Variants in NUP214 observed in about 807,000 individuals in gnomAD.
NUP214 encodes nucleoporin 214.
A neutral mutation model predicts 196.2 loss-of-function variants in NUP214; 79 were observed. The observed-to-expected ratio is 0.40, with a 90% CI of 0.34 to 0.49. The LOEUF is 0.49. Ranked by LOEUF, NUP214 falls within the 20% of genes least tolerant of loss-of-function variation. The pLI is 0.58. For missense variants in NUP214, 2,468 were observed against 2,539.0 expected, an observed-to-expected ratio of 0.97 and a Z score of 0.60; for synonymous variants, 1,020 against 990.5, an observed-to-expected ratio of 1.03 and a Z score of -0.56.
rs754797981 is a variant in NUP214 at position 131,144,768 on chromosome 9, A to G, written c.1769+14A>G. 4.5e-6 allele frequency: 7 copies of G among 1,544,786 alleles called. No individual in the cohort carries two copies. The South Asian group carries it at 8.3e-5, about 18-fold the overall frequency. On this transcript the variant is annotated intron_variant, in intron 12 of 35. Coordinates refer to ENST00000359428, the MANE Select transcript of NUP214 (RefSeq NM_005085.4). ...CCTTAGTGAAAAGTAAGTCACTTCT[A>G]AAGTTTGATTCTTCTGTGAGTTGGG...
rs1261008776 is a variant in NUP214 at position 131,198,610 on chromosome 9, T to G, written c.5116T>G (p.Ser1706Ala). 1.2e-6 allele frequency: 2 copies of G among 1,614,206 alleles called. No individual in the cohort carries two copies. The highest frequency in any genetic ancestry group is 2.2e-5 in the South Asian group (2 of 91,086). ...AGCTGCCACACCACAGGTCAGCAGC[T>G]CAGGGTTTAGCAGCCCAGCTTTTGG... ...TAAATPQVSS[S>A]GFSSPAFGTT... Residue 1706 changes from serine (S) to alanine (A), a missense_variant, in exon 29 of 36, where the codon TCA becomes GCA. Around this residue, in one of 5 missense-constraint regions of NUP214, gnomAD observed 1,801 missense variants for 1,779.4 expected, o/e 1.01. Transcript: ENST00000359428.
chr9:131,229,699 C>A (rs1834820808), intron 33 of NUP214: 1 of 518,582 alleles, frequency 1.9e-6, no homozygotes. Flanking sequence ...CCCTGAAGGG[C>A]AGGCTGTTGC....
intron 5 of NUP214, 128 bp downstream of exon 5, chr9:131,130,964 G>C (rs972166671): frequency 1.0e-5 from 7 of 693,204 alleles, no homozygotes; most frequent in Non-Finnish European, 1.5e-5. Context: ...ATCCATCAGT[G>C]AATGAAGAGT....
chr9:131,175,681 C>A, intron 23 of NUP214, 60 bp downstream of exon 23: 1 of 1,560,710 alleles, frequency 6.4e-7, no homozygotes, highest in Non-Finnish European at 8.7e-7. Context: ...GAGTCACAGG[C>A]CAGGACAGCA....
At chr9:131,223,842 C>T (rs1340543293) in intron 32 of NUP214, among the ~76,000 whole-genome samples, 1 of 148,020 alleles carries the variant, frequency 6.8e-6, no homozygotes, top group African/African-American at 2.5e-5. Context: ...TCACGCCATT[C>T]TCCTGCGTCA....
chr9:131,183,953 G>A (rs1008588840), intron 24 of NUP214, among the ~76,000 whole-genome samples: 7 of 144,574 alleles, frequency 4.8e-5, no homozygotes, highest in South Asian at 2.2e-4. Context: ...AAATGTAATC[G>A]TTTACATTTT....
chr9:131,142,965 G>T (rs754185544), intron 11 of NUP214, among the ~76,000 whole-genome samples: 12 of 152,024 alleles, frequency 7.9e-5, no homozygotes, highest in Non-Finnish European at 1.8e-4. Flanking sequence ...TTAATTTAAA[G>T]ATTAATATTT....
At position 131,146,226 on chromosome 9, in the gene NUP214, C is replaced by T; in HGVS notation, c.1867C>T (p.Pro623Ser). The T allele has an allele frequency of 6.2e-7, 1 of 1,614,154 alleles. No homozygotes were observed. Among genetic ancestry groups the T allele is most frequent in the South Asian group, 1.1e-5 (1 of 91,076 alleles). The change falls in exon 13 of 36, where the codon CCA becomes TCA. Residue 623 changes from proline to serine, a missense_variant. Physicochemically the swap from Pro to Ser is moderately conservative, Grantham distance 74. Coordinates refer to ENST00000359428, the MANE Select transcript of NUP214 (RefSeq NM_005085.4). The surrounding 1 kb of genome is among the most constrained non-coding windows in gnomAD (Gnocchi z 4.6). The part of the protein sequence containing the change: ...SSASKPAASG[P>S]LSHPTPLSAP... Reference sequence around the variant, plus strand: ...TGCCTCCAAGCCAGCTGCTTCTGGACCACTCAGCCACCCCACACCTCTCTC... The same window carrying T: ...TGCCTCCAAGCCAGCTGCTTCTGGATCACTCAGCCACCCCACACCTCTCTC...
At position 131,130,798 on chromosome 9, in the gene NUP214, G is replaced by A; in HGVS notation, c.625G>A (p.Val209Met). Residue 209 changes from valine to methionine, a missense_variant, in exon 5 of 36, where the codon GTG becomes ATG. This residue lies in a region of NUP214 where 392 missense variants were observed against 417.9 expected (regional missense o/e 0.94). Transcript: ENST00000359428. ...CWSPKGKQLA[V>M]GKQNGTVVQY... ...GAGCCCCAAAGGAAAGCAGCTGGCA[G>A]TGGGAAAACAGAATGGAACTGTGGT... The A allele has an allele frequency of 6.2e-7, 1 of 1,614,206 alleles. No individual in the cohort carries two copies. Among genetic ancestry groups the A allele is most frequent in the Non-Finnish European group, 8.5e-7 (1 of 1,180,014 alleles).
Position 131,128,585 on chromosome 9 carries a change from C to G in NUP214, c.393+102C>G. 4.0e-6 allele frequency: 4 copies of G among 1,002,164 alleles called. No individual in the cohort carries two copies. The South Asian group carries it at 9.1e-5, about 23-fold the overall frequency. The allele number at this position is 1,002,164 out of a possible 1,614,324, so 62.1% of individuals were successfully genotyped here. A position where few individuals can be genotyped will look rare whatever the true frequency, so the allele number is the denominator to read the frequency against. ...CTTCATAGGTTAACCCTTGAAGTTT[C>G]TCTCTAGATTAAAATATGGGTTAAA... On this transcript the variant is annotated intron_variant, in intron 3 of 35. Coordinates refer to ENST00000359428, the MANE Select transcript of NUP214 (RefSeq NM_005085.4).
chr9:131,166,230 C>T lies in NUP214; in HGVS notation c.2893+2086C>T, dbSNP rs114576750. On this transcript the variant is annotated intron_variant, in intron 21 of 35. Transcript: ENST00000359428. ...TTGAACACATGCCTTATAAAGACAG[C>T]ACAATATTTCCTTGTATTAGAAGGC... Among the ~76,000 whole-genome samples the T allele has an allele frequency of 8.9e-3, 1,362 of 152,246 alleles. 21 individuals are homozygous for T. The highest frequency in any genetic ancestry group is 0.031 in the African/African-American group (1,284 of 41,548).
chr9:131,147,196 CAGGCTGGTCTCA>C (rs974824018), intron 13 of NUP214, among the ~76,000 whole-genome samples: 1 of 152,060 alleles, frequency 6.6e-6, no homozygotes, highest in African/African-American at 2.4e-5. Flanking sequence ...CCATGTTGCT[CAGGCTGGTCTCA>C]AACTCCTGGG....
chr9:131,137,476 G>A (rs1199117855), intron 9 of NUP214, among the ~76,000 whole-genome samples: 1 of 151,542 alleles, frequency 6.6e-6, no homozygotes, highest in East Asian at 1.9e-4. Context: ...AAGAGTTACA[G>A]CGTTGTTTTA....
intron 24 of NUP214, among the ~76,000 whole-genome samples, chr9:131,184,834 C>T (rs1235025946): frequency 6.6e-6 from 1 of 152,174 alleles, no homozygotes; most frequent in Non-Finnish European, 1.5e-5. Context: ...ATATTTCCAT[C>T]GACAGATGTC....
intron 9 of NUP214, among the ~76,000 whole-genome samples, chr9:131,137,529 T>C (rs896931262): frequency 6.6e-6 from 1 of 151,812 alleles, no homozygotes; most frequent in Non-Finnish European, 1.5e-5. Flanking sequence ...ATTGGTGTTT[T>C]TTACCCTCAT....
chr9:131,148,092 C>T (rs1292900789), intron 14 of NUP214, among the ~76,000 whole-genome samples: 1 of 152,210 alleles, frequency 6.6e-6, no homozygotes, highest in Non-Finnish European at 1.5e-5. Context: ...GAGGCTGAGG[C>T]ATGAGAATCA....
At chr9:131,190,493 T>C (rs1332516918) in intron 26 of NUP214, 1 of 690,492 alleles carries the variant, frequency 1.4e-6, no homozygotes, top group East Asian at 2.7e-5. Flanking sequence ...AATCAAGGTT[T>C]AGAAAAGAAC....
chr9:131,215,396 C>T (rs1351923900), intron 31 of NUP214, 28 bp downstream of exon 31: 1 of 1,529,238 alleles, frequency 6.5e-7, no homozygotes, highest in Non-Finnish European at 8.8e-7. Flanking sequence ...TTCCCAGTCC[C>T]TTGGTCCCCT....
chr9:131,234,490 C>T lies in NUP214; in HGVS notation c.*1003C>T, dbSNP rs1462084539. ...TAGATAGTTGCCATCAAACAAGGAC[C>T]GTCTCGCATTGAAAACAGATGTAAG... On this transcript the variant is annotated 3_prime_UTR_variant, in exon 36 of 36. Coordinates refer to ENST00000359428, the MANE Select transcript of NUP214 (RefSeq NM_005085.4). 1.3e-5 allele frequency: 3 copies of T among 231,794 alleles called. No individual in the cohort carries two copies. The highest frequency in any genetic ancestry group is 6.1e-5 in the East Asian group (1 of 16,422). The allele number at this position is 231,794 out of a possible 1,614,324, so 14.4% of individuals were successfully genotyped here.
Sources: allele counts gnomAD v4.1 joint callset (sites outside exome capture counted in the v4.1 genomes callset), GRCh38; gene constraint gnomAD v4.1.1; regional missense constraint gnomAD v4.1.1; non-coding constraint Gnocchi (gnomAD v3.1); transcripts MANE v1.5; gene names NCBI Gene and HGNC (gene_info 2026-07-23, HGNC 2026-07-21).